The following SLC9A9 variants were observed in gnomAD, a reference collection of about 807,000 sequenced individuals.
The protein encoded by SLC9A9 is solute carrier family 9 member A9, also known as sodium/hydrogen exchanger 9.
In SLC9A9, 62 loss-of-function variants were observed where a neutral mutation model predicts 77.8. The ratio of observed to expected loss-of-function variants is 0.80; its 90% confidence interval spans 0.65 to 0.98. The LOEUF is 0.98. SLC9A9 is among the 50% of genes least tolerant of loss of function. SLC9A9 has a pLI of 0.00. For synonymous variants in SLC9A9, 320 were observed against 283.5 expected (o/e 1.13, Z -1.29); for missense variants, 775 against 774.9 (o/e 1.00, Z 0.00).
At chr3:143,705,903 G>C (rs1052186392) in intron 4 of SLC9A9, among the ~76,000 whole-genome samples, 1 of 152,214 alleles carries the variant, frequency 6.6e-6, no homozygotes, top group Admixed American at 6.5e-5. Context: ...TTTCCAGAAG[G>C]AGAGAGAAGT....
At chr3:143,652,189 G>T (rs2038807926) in intron 6 of SLC9A9, 66 bp downstream of exon 6, 2 of 1,287,920 alleles carry the variant, frequency 1.6e-6, no homozygotes, top group Non-Finnish European at 1.1e-6. Context: ...TGACATAAGA[G>T]AAAAGATACA....
chr3:143,282,166 C>A (rs1199922006), intron 14 of SLC9A9, among the ~76,000 whole-genome samples: 1 of 152,128 alleles, frequency 6.6e-6, no homozygotes, highest in African/African-American at 2.4e-5. Flanking sequence ...TATTCAAGTA[C>A]AGTTCTCTTC....
intron 12 of SLC9A9, among the ~76,000 whole-genome samples, chr3:143,390,896 C>T (rs2033548386): frequency 6.6e-6 from 1 of 152,166 alleles, no homozygotes; most frequent in African/African-American, 2.4e-5. Context: ...AGCAGCAAGG[C>T]TGGGGGAGGG....
At chr3:143,667,273 G>C (rs1267525154) in intron 5 of SLC9A9, among the ~76,000 whole-genome samples, 1 of 152,170 alleles carries the variant, frequency 6.6e-6, no homozygotes, top group Non-Finnish European at 1.5e-5. Flanking sequence ...AAACTGGCTA[G>C]CCATATGTAG....
intron 9 of SLC9A9, among the ~76,000 whole-genome samples, chr3:143,519,670 A>G (rs986345619): frequency 6.6e-5 from 10 of 152,110 alleles, no homozygotes; most frequent in African/African-American, 2.4e-4. Context: ...TTAGAAGGTT[A>G]TTGTCATAGT....
intron 14 of SLC9A9, among the ~76,000 whole-genome samples, chr3:143,310,528 C>CAAA (rs397754793): frequency 1.7e-5 from 2 of 115,230 alleles, no homozygotes; most frequent in Non-Finnish European, 1.9e-5. Flanking sequence ...AGTCTTCTAT[C>CAAA]AAAAAAAAAA....
chr3:143,501,815 G>A (rs1576539293), intron 9 of SLC9A9, among the ~76,000 whole-genome samples: 1 of 150,566 alleles, frequency 6.6e-6, no homozygotes, highest in African/African-American at 2.5e-5. Flanking sequence ...GAATCTGTGG[G>A]CAAATTCAAT....
At chr3:143,841,938 A>G (rs1236786542) in intron 1 of SLC9A9, among the ~76,000 whole-genome samples, 4 of 152,136 alleles carry the variant, frequency 2.6e-5, no homozygotes, top group Non-Finnish European at 4.4e-5. Context: ...ATTTTTTAGT[A>G]AAGACAGAGT....
At chr3:143,333,075 C>G (rs1041583904) in intron 14 of SLC9A9, among the ~76,000 whole-genome samples, 3 of 152,112 alleles carry the variant, frequency 2.0e-5, no homozygotes, top group Non-Finnish European at 4.4e-5. Context: ...GAATGTTTCT[C>G]TCTGGTTCAA....
chr3:143,322,173 A>C (rs2031443726), intron 14 of SLC9A9, among the ~76,000 whole-genome samples: 1 of 152,162 alleles, frequency 6.6e-6, no homozygotes, highest in Non-Finnish European at 1.5e-5. Flanking sequence ...AGGTACCCAG[A>C]TATTTGGTCA....
At chr3:143,766,218 C>T (rs1040923921) in intron 4 of SLC9A9, among the ~76,000 whole-genome samples, 2 of 152,144 alleles carry the variant, frequency 1.3e-5, no homozygotes, top group African/African-American at 4.8e-5. Context: ...TGTTGGACAA[C>T]AGTGAACTGT....
chr3:143,333,296 C>T (rs1190294155), intron 14 of SLC9A9, among the ~76,000 whole-genome samples: 2 of 141,824 alleles, frequency 1.4e-5, no homozygotes, highest in African/African-American at 5.2e-5. Context: ...TTAAAAACAT[C>T]CATACAAATT....
intron 14 of SLC9A9, among the ~76,000 whole-genome samples, chr3:143,360,588 C>T (rs528581192): frequency 1.8e-4 from 27 of 152,242 alleles, no homozygotes; most frequent in African/African-American, 6.3e-4. Context: ...TATTCATCCT[C>T]ATTGAATGTT....
chr3:143,822,460 C>A (rs2009191691), intron 2 of SLC9A9, among the ~76,000 whole-genome samples: 1 of 152,154 alleles, frequency 6.6e-6, no homozygotes, highest in Non-Finnish European at 1.5e-5. Flanking sequence ...GTGAAGGGAG[C>A]AGCTGGGAGA....
At chr3:143,337,846 C>A (rs923916533) in intron 14 of SLC9A9, among the ~76,000 whole-genome samples, 2 of 152,156 alleles carry the variant, frequency 1.3e-5, no homozygotes, top group African/African-American at 4.8e-5. Context: ...AGACTTGTGT[C>A]CTTTGTTGGT....
At chr3:143,304,266 G>A (rs1189822842) in intron 14 of SLC9A9, among the ~76,000 whole-genome samples, 1 of 152,226 alleles carries the variant, frequency 6.6e-6, no homozygotes, top group Non-Finnish European at 1.5e-5. Flanking sequence ...GCCTCAGGGA[G>A]AAGAGAGGTG....
At chr3:143,707,872 A>G (rs1934028206) in intron 4 of SLC9A9, among the ~76,000 whole-genome samples, 1 of 152,148 alleles carries the variant, frequency 6.6e-6, no homozygotes, top group South Asian at 2.1e-4. Context: ...TGAGACATTT[A>G]GAACAAAGTT....
chr3:143,430,950 A>G (rs924085036), intron 12 of SLC9A9, among the ~76,000 whole-genome samples: 2 of 152,222 alleles, frequency 1.3e-5, no homozygotes, highest in Non-Finnish European at 2.9e-5. Context: ...TAGAACCAGC[A>G]CAAGCCATTA....
rs747550928 is a variant in SLC9A9 at position 143,795,056 on chromosome 3, C to T, written c.478G>A (p.Gly160Arg). Residue 160 changes from glycine to arginine, a missense_variant, in exon 4 of 16, where the codon GGA becomes AGA. Coordinates refer to ENST00000316549, the MANE Select transcript of SLC9A9 (RefSeq NM_173653.4). ...AAGAAGGCATACGTTAAAATAGATC[C>T]TAAGTTTTGAAAAAAGTGTCTCTGG... ...LKKRHFFQNL[G>R]SILTYAFLGT... is the part of the protein sequence containing the mutation. The T allele has an allele frequency of 7.4e-6, 12 of 1,613,430 alleles. No homozygotes were observed. The highest frequency in any genetic ancestry group is 9.3e-6 in the Non-Finnish European group (11 of 1,179,772).
Sources: allele counts gnomAD v4.1 joint callset (sites outside exome capture counted in the v4.1 genomes callset), GRCh38; gene constraint gnomAD v4.1.1; transcripts MANE v1.5; gene names NCBI Gene and HGNC (gene_info 2026-07-23, HGNC 2026-07-21).